Variants in PFKM observed in about 807,000 individuals in gnomAD.
The protein encoded by PFKM is ATP-dependent 6-phosphofructokinase, muscle type.
Under a neutral mutation model 95.5 loss-of-function variants are expected in PFKM, and 58 were observed. The ratio of observed to expected loss-of-function variants is 0.61; its 90% CI spans 0.49 to 0.76. PFKM has a LOEUF of 0.76. Ranked by LOEUF, PFKM falls within the 30% of genes least tolerant of loss-of-function variation. PFKM has a pLI of 0.00. For synonymous variants in PFKM, 336 were observed against 357.2 expected (o/e 0.94, Z 0.67); for missense variants, 678 against 1,005.4 (o/e 0.67, Z 4.40).
At position 48,139,907 on chromosome 12, in the gene PFKM, T is replaced by G. The variant is rs140437192; in HGVS notation, c.1186T>G (p.Ser396Ala). 6.2e-7 allele frequency: 1 copy of G among 1,608,194 alleles called. No homozygotes were observed. Among genetic ancestry groups the G allele is most frequent in the African/African-American group, 1.3e-5 (1 of 74,942 alleles). ...KLLAHVRPPV[S>A]KSGSHTVAVM... The stretch of plus-strand genomic sequence containing the variant: ...TCTAGCTCATGTCAGACCCCCGGTA[T>G]CTAAGGTACTGGCAAGTTGACTTGC... The change falls in exon 13 of 23, where the codon TCT (serine) becomes GCT (alanine). Residue 396 changes from serine (S) to alanine (A), a missense_variant. Ser to Ala is a moderately conservative substitution (Grantham distance 99). Coordinates refer to ENST00000359794, the MANE Select transcript of PFKM (RefSeq NM_000289.6).
intron 4 of PFKM, chr12:48,132,060 G>A (rs1949557464): frequency 2.2e-6 from 1 of 455,940 alleles, no homozygotes; most frequent in South Asian, 1.5e-5. Context: ...TTAATATGCA[G>A]TGTCTAGTGA....
At position 48,141,859 on chromosome 12, in the gene PFKM, C is replaced by T. The variant is rs41291967; in HGVS notation, c.1500+32C>T. The stretch of plus-strand genomic sequence containing the variant: ...GCCTGCCACCATTTCTTCCTCTCTC[C>T]CTCCTACCTCCTCTCCCTCTCCCCA... On this transcript the variant is annotated intron_variant, in intron 16 of 22. Transcript: ENST00000359794. 12,424 of 1,612,842 alleles carry T rather than the reference C, an allele frequency of 7.7e-3. 176 individuals carry two copies. Among genetic ancestry groups the T allele is most frequent in the African/African-American group, 0.048 (3,610 of 74,998 alleles).
intron 2 of PFKM, among the ~76,000 whole-genome samples, chr12:48,129,210 C>CTTTTTTTTTTTTTTTTTTTTTTTTTT (rs778761447): frequency 4.6e-5 from 1 of 21,978 alleles, no homozygotes; most frequent in Admixed American, 7.8e-4. Context: ...AATTTTCTTT[C>CTTTTTTTTTTTTTTTTTTTTTTTTTT]TTTTTTTTTT....
At chr12:48,125,262 C>T in intron 2 of PFKM, 1 of 432,712 alleles carries the variant, frequency 2.3e-6, no homozygotes, top group South Asian at 1.6e-5. Context: ...TGCTCTGGCC[C>T]TCTGTCTCCA....
chr12:48,122,863 A>G lies in PFKM; in HGVS notation c.85+4A>G, dbSNP rs748190299. On this transcript the variant is annotated splice_donor_region_variant and intron_variant, in intron 2 of 22. Transcript: ENST00000359794. ...ACCTCTGGTGGAGATGCCCAAGGTA[A>G]GGAGGAGGGGACAAAAAACATGGCT... 1.2e-6 allele frequency: 2 copies of G among 1,613,798 alleles called. No homozygotes were observed. Among genetic ancestry groups the G allele is most frequent in the Non-Finnish European group, 1.7e-6 (2 of 1,179,684 alleles).
rs1245189034 is a variant in PFKM at position 48,144,885 on chromosome 12, G to C, written c.1993-146G>C. ...TGCCTTGGATCCTGGCACTGCCTCA[G>C]GGCACCCTTTCATAGTTTGACTTCT... On this transcript the variant is annotated intron_variant, in intron 20 of 22. Coordinates refer to ENST00000359794, the MANE Select transcript of PFKM (RefSeq NM_000289.6). 4 of 703,268 alleles carry C rather than the reference G, an allele frequency of 5.7e-6. No individual in the cohort carries two copies. The African/African-American group carries it at 7.1e-5, about 13-fold the overall frequency. The allele number at this position is 703,268 out of a possible 1,614,324, so 43.6% of individuals were successfully genotyped here. A position where few individuals can be genotyped will look rare whatever the true frequency, so the allele number is the denominator to read the frequency against.
In PFKM at chr12:48,142,447, T is replaced by A. The variant is rs1592804393; in HGVS notation, c.1654-335T>A. ...GAGATCGTGCCACTTTACTCCAGCC[T>A]GGGTGACAAAGTGTTCAGTTTCCTC... is the stretch of plus-strand genomic sequence containing the variant. On this transcript the variant is annotated intron_variant, in intron 17 of 22. Transcript: ENST00000359794. The A allele has an allele frequency of 1.8e-5, 8 of 434,824 alleles. No individual in the cohort carries two copies. The East Asian group carries it at 4.0e-4, about 22-fold the overall frequency. The allele number at this position is 434,824 out of a possible 1,614,324, so 26.9% of individuals were successfully genotyped here.
intron 2 of PFKM, among the ~76,000 whole-genome samples, chr12:48,128,062 T>C (rs1592695991): frequency 1.3e-5 from 2 of 152,342 alleles, no homozygotes; most frequent in South Asian, 4.1e-4. Context: ...TACTTAAGGT[T>C]ATTTTTTGAC....
At chr12:48,109,524 G>T (rs1283696010) in intron 3 of PFKM, among the ~76,000 whole-genome samples, 1 of 151,904 alleles carries the variant, frequency 6.6e-6, no homozygotes, top group African/African-American at 2.4e-5. Context: ...TTTCTTATTT[G>T]CCCTCATCTT....
chr12:48,139,492 A>T (rs1950397999), intron 12 of PFKM, 143 bp downstream of exon 12: 2 of 724,892 alleles, frequency 2.8e-6, no homozygotes, highest in Admixed American at 2.0e-5. Context: ...TGCCCAAGAA[A>T]ATTAGTTGTG....
At chr12:48,105,706 G>A (rs1188895093), upstream of PFKM, 12 of 484,668 alleles carry the variant, frequency 2.5e-5, no homozygotes, top group Non-Finnish European at 3.4e-5. Context: ...ATCGCAACCG[G>A]CCTTTCCCCA....
intron 12 of PFKM, 43 bp downstream of exon 12, chr12:48,139,392 G>A: frequency 6.6e-7 from 1 of 1,515,530 alleles, no homozygotes; most frequent in Non-Finnish European, 9.2e-7. Context: ...GAAATCAGAG[G>A]CGTGAACGAA....
Position 48,132,906 on chromosome 12 carries a change from T to C in PFKM, c.276T>C (p.Phe92=), listed in dbSNP as rs1479575063. Residue 92 remains phenylalanine, a synonymous_variant, in exon 5 of 23, where the codon TTT becomes TTC. Transcript: ENST00000359794. The part of the protein sequence containing the change: ...TVIGSARCKD[F]REREGRLRAA... Reference sequence around the variant, plus strand: ...TTGGAAGTGCCCGGTGCAAGGACTTTCGGGAACGAGAAGGACGACTCCGAG... The same window carrying C: ...TTGGAAGTGCCCGGTGCAAGGACTTCCGGGAACGAGAAGGACGACTCCGAG... 2.5e-6 allele frequency: 4 copies of C among 1,613,978 alleles called. No homozygotes were observed. Among genetic ancestry groups the C allele is most frequent in the Non-Finnish European group, 3.4e-6 (4 of 1,180,014 alleles).
At chr12:48,130,929 G>A (rs1049034530) in intron 3 of PFKM, among the ~76,000 whole-genome samples, 1 of 152,042 alleles carries the variant, frequency 6.6e-6, no homozygotes, top group African/African-American at 2.4e-5. Flanking sequence ...TAATCTTTTA[G>A]AGCAAGTCGC....
At chr12:48,119,611 C>T (rs1441775962) in intron 1 of PFKM, 1 of 150,862 alleles carries the variant, frequency 6.6e-6, no homozygotes, top group East Asian at 2.0e-4. Context: ...CGCTTGCAGG[C>T]TCAGCTGCAT....
At chr12:48,132,829 GC>G (rs770634119) in intron 4 of PFKM, 38 bp from the exon 5 acceptor site, 2 of 1,547,386 alleles carry the variant, frequency 1.3e-6, no homozygotes, top group East Asian at 4.7e-5. Context: ...AGCATGTTGA[GC>G]CCTGTCTCTG....
intron 4 of PFKM, chr12:48,131,813 AG>A: frequency 8.3e-6 from 3 of 359,920 alleles, no homozygotes; most frequent in South Asian, 6.4e-5. Flanking sequence ...TAAAGGACGA[AG>A]GAACTGAGAC....
upstream of PFKM, among the ~76,000 whole-genome samples, chr12:48,117,380 A>G (rs927770540): frequency 6.6e-6 from 1 of 152,248 alleles, no homozygotes; most frequent in Non-Finnish European, 1.5e-5. Context: ...ATGTGGTAAG[A>G]CAATATTTAG....
At chr12:48,141,516 A>G (rs1349531817) in intron 15 of PFKM, 135 bp downstream of exon 15, 1 of 819,908 alleles carries the variant, frequency 1.2e-6, no homozygotes. Context: ...AGTTGCTGCC[A>G]TGAGGGCAGA....
Sources: allele counts gnomAD v4.1 joint callset (sites outside exome capture counted in the v4.1 genomes callset), GRCh38; gene constraint gnomAD v4.1.1; transcripts MANE v1.5; gene names NCBI Gene and HGNC (gene_info 2026-07-23, HGNC 2026-07-21).